Variants in FCGRT observed in about 807,000 individuals in gnomAD.
The protein encoded by FCGRT is Fc gamma receptor and transporter.
In FCGRT, 13 loss-of-function variants were observed where a neutral mutation model predicts 35.7. The observed-to-expected ratio is 0.36, with a 90% CI of 0.24 to 0.58. The LOEUF (loss-of-function observed/expected upper bound fraction) is 0.58. FCGRT is among the 20% of genes least tolerant of loss of function. The pLI is 0.77. For synonymous variants in FCGRT, 233 were observed against 216.5 expected, an observed-to-expected ratio of 1.08 and a Z score of -0.67; for missense variants, 455 against 474.9, an observed-to-expected ratio of 0.96 and a Z score of 0.39.
intron 4 of FCGRT, among the ~76,000 whole-genome samples, chr19:49,517,784 C>G (rs2080017073): frequency 1.3e-5 from 2 of 152,096 alleles, no homozygotes; most frequent in South Asian, 4.1e-4. Context: ...GCTTCGCCTC[C>G]CAGGTTCAAA....
At chr19:49,515,912 T>C (rs2080004764) in intron 4 of FCGRT, among the ~76,000 whole-genome samples, 1 of 152,202 alleles carries the variant, frequency 6.6e-6, no homozygotes, top group African/African-American at 2.4e-5. Flanking sequence ...GCCCTCCTTA[T>C]TCTTCAAGGT....
At chr19:49,513,835 C>G in intron 2 of FCGRT, 47 bp from the exon 3 acceptor site, 2 of 1,435,108 alleles carry the variant, frequency 1.4e-6, no homozygotes, top group East Asian at 2.8e-5. Flanking sequence ...CCACTGCAGT[C>G]TAGTTCCCCG....
At chr19:49,519,683 G>A (rs1022698438) in intron 4 of FCGRT, among the ~76,000 whole-genome samples, 2 of 152,038 alleles carry the variant, frequency 1.3e-5, no homozygotes, top group African/African-American at 2.4e-5. Context: ...GGTAGTTGGT[G>A]CGTATGTCTG....
Position 49,526,424 on chromosome 19 carries a change from G to A in FCGRT, c.*305G>A, listed in dbSNP as rs2080078249. ...GCTGGGCCTCGGATCTCTCCTACAG[G>A]TAACATGCTGCCACAGGGGAACCTG... On this transcript the variant is annotated 3_prime_UTR_variant, in exon 7 of 7. Coordinates refer to ENST00000221466, the MANE Select transcript of FCGRT (RefSeq NM_001136019.3). The A allele has an allele frequency of 2.6e-6, 1 of 389,194 alleles. No individual in the cohort carries two copies. The highest frequency in any genetic ancestry group is 3.3e-5 in the South Asian group (1 of 30,480). 24.1% of individuals were successfully genotyped at this position (389,194 alleles called of 1,614,324 possible).
In FCGRT at chr19:49,526,067, A is replaced by T. The variant is rs535861974; in HGVS notation, c.1046A>T (p.Glu349Val). The T allele has an allele frequency of 3.1e-6, 5 of 1,613,598 alleles. No individual in the cohort carries two copies. Among genetic ancestry groups the T allele is most frequent in the East Asian group, 2.2e-5 (1 of 44,874 alleles). Residue 349 changes from glutamate (E) to valine (V), a missense_variant, in exon 7 of 7, where the codon GAG becomes GTG. Glu to Val is a moderately radical substitution (Grantham distance 121). Coordinates refer to ENST00000221466, the MANE Select transcript of FCGRT (RefSeq NM_001136019.3). ...GGGGTCCTCCTGCCCACCCCAGGGG[A>T]GGCCCAGGATGCTGATTTGAAGGAT... ...DTGVLLPTPG[E>V]AQDADLKDVN...
chr19:49,525,750 C>A (rs1382291686), intron 6 of FCGRT, among the ~76,000 whole-genome samples, 177 bp downstream of exon 6: 2 of 150,492 alleles, frequency 1.3e-5, no homozygotes, highest in South Asian at 2.1e-4. Context: ...GAGACAGAGA[C>A]CCAGAGACGG....
intron 4 of FCGRT, among the ~76,000 whole-genome samples, chr19:49,518,459 G>A (rs145173170): frequency 1.5e-4 from 22 of 150,722 alleles, no homozygotes; most frequent in Middle Eastern, 6.9e-3. Flanking sequence ...TGAACTTCCT[G>A]GGCTCAAGTA....
chr19:49,513,981 A>G lies in FCGRT; in HGVS notation c.173A>G (p.Tyr58Cys). The change falls in exon 3 of 7, where the codon TAC becomes TGC. Residue 58 changes from tyrosine to cysteine, a missense_variant. Physicochemically the swap from Tyr to Cys is radical, Grantham distance 194. Around this residue, in one of 3 missense-constraint regions of FCGRT, gnomAD observed 136 missense variants for 158.9 expected, o/e 0.86. Coordinates refer to ENST00000221466, the MANE Select transcript of FCGRT (RefSeq NM_001136019.3). ...TCCGGCTGGCTGGGCCCGCAGCAGT[A>G]CCTGAGCTACAATAGCCTGCGGGGC... is the stretch of plus-strand genomic sequence containing the variant. Reference protein sequence around the residue: ...WVSGWLGPQQYLSYNSLRGEA... With the variant: ...WVSGWLGPQQCLSYNSLRGEA... 6.2e-7 allele frequency: 1 copy of G among 1,613,800 alleles called. No homozygotes were observed. The highest frequency in any genetic ancestry group is 8.5e-7 in the Non-Finnish European group (1 of 1,179,998).
At chr19:49,517,066 C>T (rs1422680415) in intron 4 of FCGRT, among the ~76,000 whole-genome samples, 1 of 152,018 alleles carries the variant, frequency 6.6e-6, no homozygotes, top group African/African-American at 2.4e-5. Flanking sequence ...TGGTATGTGC[C>T]TCTAGTCCCA....
chr19:49,521,597 C>T (rs2080041529), intron 4 of FCGRT: 1 of 150,548 alleles, frequency 6.6e-6, no homozygotes, highest in South Asian at 2.1e-4. Flanking sequence ...AAAAGAAAGC[C>T]TGGGCGTAAG....
At chr19:49,523,281 T>C (rs2080052989) in intron 4 of FCGRT, among the ~76,000 whole-genome samples, 3 of 152,024 alleles carry the variant, frequency 2.0e-5, no homozygotes. Flanking sequence ...TTAAAAATTT[T>C]AAATAGGCCG....
intron 5 of FCGRT, 24 bp downstream of exon 5, chr19:49,524,800 G>GCTCCTGGTTTCCCGC: frequency 6.3e-7 from 1 of 1,592,746 alleles, no homozygotes; most frequent in Non-Finnish European, 8.5e-7. Context: ...AGGTGGTGAT[G>GCTCCTGGTTTCCCGC]CTCCTGGTTT....
chr19:49,524,876 ACCT>A (rs1568703914), intron 5 of FCGRT, 100 bp downstream of exon 5: 2 of 1,175,610 alleles, frequency 1.7e-6, no homozygotes, highest in Middle Eastern at 1.9e-4. Flanking sequence ...CACTGCTGCC[ACCT>A]CCTTGAATCT....
chr19:49,513,811 C>T (rs1601186350), intron 2 of FCGRT, 71 bp from the exon 3 acceptor site: 1 of 1,366,244 alleles, frequency 7.3e-7, no homozygotes. Context: ...CTTCTCCCTC[C>T]CTGGGTATCT....
chr19:49,513,766 T>A, intron 2 of FCGRT, 116 bp from the exon 3 acceptor site: 1 of 195,548 alleles, frequency 5.1e-6, no homozygotes, highest in Non-Finnish European at 8.8e-6. Context: ...CTGTCCCCTC[T>A]CTCTGAATCT....
rs34522905 is a variant in FCGRT at position 49,525,477 on chromosome 19, G to A, written c.892G>A (p.Val298Met). 6.2e-6 allele frequency: 10 copies of A among 1,613,650 alleles called. No homozygotes were observed. Among genetic ancestry groups the A allele is most frequent in the Admixed American group, 5.0e-5 (3 of 59,970 alleles). ...TGCAGAATCTCCAGCCAAGTCCTCC[G>A]TGCTCGTGGTGGGAATCGTCATCGG... ...VELESPAKSS[V>M]LVVGIVIGVL... Residue 298 changes from valine to methionine, a missense_variant, in exon 6 of 7, where the codon GTG becomes ATG. By Grantham distance (21) the Val-to-Met change is conservative (BLOSUM62 1). Around this residue, in one of 3 missense-constraint regions of FCGRT, gnomAD observed 312 missense variants for 296.1 expected, o/e 1.05. Transcript: ENST00000221466.
At chr19:49,519,801 G>A (rs961374696) in intron 4 of FCGRT, among the ~76,000 whole-genome samples, 11 of 151,024 alleles carry the variant, frequency 7.3e-5, no homozygotes, top group African/African-American at 1.9e-4. Context: ...TGGTTTTAGC[G>A]GATAGCAATG....
intron 6 of FCGRT, 171 bp from the exon 7 acceptor site, chr19:49,525,839 A>G (rs2080072861): frequency 1.5e-6 from 1 of 689,530 alleles, no homozygotes; most frequent in Non-Finnish European, 2.6e-6. Flanking sequence ...GGAGGCAAAG[A>G]TGTAGAAAGA....
At chr19:49,525,394 C>G in intron 5 of FCGRT, 63 bp from the exon 6 acceptor site, 1 of 1,240,068 alleles carries the variant, frequency 8.1e-7, no homozygotes, top group Non-Finnish European at 1.2e-6. Context: ...CGCCCCAGTT[C>G]TGTGTCCTGA....
Sources: allele counts gnomAD v4.1 joint callset (sites outside exome capture counted in the v4.1 genomes callset), GRCh38; gene constraint gnomAD v4.1.1; regional missense constraint gnomAD v4.1.1; transcripts MANE v1.5; gene names NCBI Gene and HGNC (gene_info 2026-07-23, HGNC 2026-07-21).